ADAM10: variants seen among roughly 807,000 people sequenced by gnomAD.
ADAM10 encodes ADAM metallopeptidase domain 10, also known as disintegrin and metalloproteinase domain-containing protein 10.
ADAM10 carries 17 observed loss-of-function variants against 90.1 expected under a neutral mutation model. That is an observed-to-expected ratio of 0.19 (90% CI 0.13 to 0.28). The LOEUF is 0.28. ADAM10 is among the 10% of genes least tolerant of loss of function. The pLI is 1.00. For missense variants in ADAM10, 610 were observed against 914.3 expected, an observed-to-expected ratio of 0.67 and a Z score of 4.29; for synonymous variants, 310 against 298.6, an observed-to-expected ratio of 1.04 and a Z score of -0.40.
chr15:58,737,530 G>A (rs1174120692), intron 1 of ADAM10, among the ~76,000 whole-genome samples: 6 of 152,096 alleles, frequency 3.9e-5, no homozygotes, highest in Non-Finnish European at 7.4e-5. Flanking sequence ...CTCTGGATAA[G>A]TAACCCTCCC....
chr15:58,652,581 G>C lies in ADAM10; in HGVS notation c.586-6377C>G, dbSNP rs139045658. On this transcript the variant is annotated intron_variant, in intron 5 of 15. Transcript: ENST00000260408. ...AATTTGTTTCTGAGGTCTCTATTCT[G>C]TTCCATGGGTCTACGTGTCTGTTTT... is the stretch of plus-strand genomic sequence containing the variant. Among the ~76,000 whole-genome samples, 137 of 152,226 alleles carry C rather than the reference G, an allele frequency of 9.0e-4. 1 individual carries two copies. The East Asian group carries it at 0.021, about 24-fold the overall frequency.
intron 8 of ADAM10, among the ~76,000 whole-genome samples, chr15:58,634,421 CTA>C (rs1303659523): frequency 6.6e-6 from 1 of 152,016 alleles, no homozygotes; most frequent in Non-Finnish European, 1.5e-5. Context: ...CTTTAGGACA[CTA>C]TCAAATTTTA....
In ADAM10 at chr15:58,593,065, A is replaced by C. The variant is rs987837310; in HGVS notation, c.*4482T>G. On this transcript the variant is annotated 3_prime_UTR_variant, in exon 16 of 16. Transcript: ENST00000260408. ...GATATACATTATCAATGTACCATTA[A>C]ATGAGAAAGGTGGGTTACAAAAGTG... The C allele has an allele frequency of 6.7e-6, 1 of 150,312 alleles. No homozygotes were observed. The highest frequency in any genetic ancestry group is 6.6e-5 in the Admixed American group (1 of 15,110). 9.3% of individuals were successfully genotyped at this position (150,312 alleles called of 1,614,324 possible).
Position 58,645,791 on chromosome 15 carries a change from A to C in ADAM10, c.735+264T>G, listed in dbSNP as rs560753724. On this transcript the variant is annotated intron_variant, in intron 6 of 15. Coordinates refer to ENST00000260408, the MANE Select transcript of ADAM10 (RefSeq NM_001110.4). ...TTCCCTCCTTTAAGACCACAAATGA[A>C]AATTCAACTCTCTTTCCAAAGCTAA... 2.0e-5 allele frequency among the ~76,000 whole-genome samples: 3 copies of C among 152,300 alleles called. No homozygotes were observed. In the South Asian group the frequency reaches 6.2e-4, roughly 32 times the overall value.
chr15:58,674,961 G>A (rs896377512), intron 4 of ADAM10, among the ~76,000 whole-genome samples: 4 of 152,184 alleles, frequency 2.6e-5, no homozygotes, highest in Admixed American at 6.5e-5. Flanking sequence ...AGGCCGAGGC[G>A]GGCGGATCAC....
intron 9 of ADAM10, 63 bp from the exon 10 acceptor site, chr15:58,627,946 T>C: frequency 6.7e-7 from 1 of 1,482,590 alleles, no homozygotes; most frequent in Non-Finnish European, 9.3e-7. Context: ...GGTCAACTGA[T>C]TAAACGTAAT....
At chr15:58,718,948 G>C (rs572384153) in intron 1 of ADAM10, among the ~76,000 whole-genome samples, 5 of 152,280 alleles carry the variant, frequency 3.3e-5, no homozygotes, top group Admixed American at 6.5e-5. Flanking sequence ...ATCTCTCAAG[G>C]CAGAAAGCTG....
At chr15:58,684,902 G>T (rs1319326562) in intron 2 of ADAM10, among the ~76,000 whole-genome samples, 3 of 152,076 alleles carry the variant, frequency 2.0e-5, no homozygotes, top group Non-Finnish European at 4.4e-5. Context: ...ACTGAATTAC[G>T]CTGAATTGTT....
At chr15:58,677,296 ACCACAAACATATATT>A (rs1367907016) in intron 4 of ADAM10, among the ~76,000 whole-genome samples, 1 of 152,204 alleles carries the variant, frequency 6.6e-6, no homozygotes, top group African/African-American at 2.4e-5. Context: ...AGTTCTCCTT[ACCACAAACATATATT>A]TACTTAAACA....
intron 2 of ADAM10, among the ~76,000 whole-genome samples, chr15:58,695,542 T>C (rs1897952405): frequency 6.6e-6 from 1 of 152,170 alleles, no homozygotes; most frequent in Non-Finnish European, 1.5e-5. Flanking sequence ...AAATTTATTA[T>C]TCAGCAAAAT....
chr15:58,590,470 A>T lies in ADAM10; in HGVS notation c.*7077T>A, dbSNP rs556433830. 1.3e-5 allele frequency: 2 copies of T among 152,248 alleles called. No individual in the cohort carries two copies. The highest frequency in any genetic ancestry group is 1.5e-5 in the Non-Finnish European group (1 of 68,050). 9.4% of individuals were successfully genotyped at this position (152,248 alleles called of 1,614,324 possible). A position where few individuals can be genotyped will look rare whatever the true frequency, so the allele number is the denominator to read the frequency against. On this transcript the variant is annotated 3_prime_UTR_variant, in exon 16 of 16. Transcript: ENST00000260408. ...TGTGAGTAAGGTAACTGGTCAATGC[A>T]TATCAGCAAATGCATACCATAAAAG...
intron 5 of ADAM10, among the ~76,000 whole-genome samples, chr15:58,648,845 C>CT (rs375126336): frequency 2.6e-4 from 39 of 150,408 alleles, no homozygotes; most frequent in African/African-American, 5.1e-4. Flanking sequence ...TTTAGTAATG[C>CT]TTTTTTTTTG....
chr15:58,622,996 C>T (rs1895832454), intron 10 of ADAM10, among the ~76,000 whole-genome samples: 1 of 152,148 alleles, frequency 6.6e-6, no homozygotes, highest in Non-Finnish European at 1.5e-5. Context: ...CTTTCTCCTA[C>T]ACCAAATCGA....
intron 2 of ADAM10, among the ~76,000 whole-genome samples, chr15:58,688,557 G>A (rs1230920706): frequency 6.6e-6 from 1 of 151,554 alleles, no homozygotes; most frequent in African/African-American, 2.4e-5. Context: ...AACGGAATTA[G>A]CAGACAAGGA....
intron 5 of ADAM10, among the ~76,000 whole-genome samples, chr15:58,649,691 T>C (rs1896638164): frequency 6.6e-6 from 1 of 152,208 alleles, no homozygotes; most frequent in African/African-American, 2.4e-5. Context: ...GTGATTAAAC[T>C]TTTTCTCACC....
Position 58,749,522 on chromosome 15 carries a change from T to C in ADAM10, c.13A>G (p.Arg5Gly), listed in dbSNP as rs1595678691. The C allele has an allele frequency of 1.3e-6, 2 of 1,553,578 alleles. No homozygotes were observed. Among genetic ancestry groups the C allele is most frequent in the East Asian group, 2.4e-5 (1 of 40,844 alleles). The stretch of plus-strand genomic sequence containing the variant: ...CAGGAGAGGAGCAGAATTAACACTC[T>C]CAGCAACACCATCTTCCGCTGCCGC... MVLL[R>G]VLILLLSWAA... The change falls in exon 1 of 16, where the codon AGA (arginine) becomes GGA (glycine). Residue 5 changes from arginine to glycine, a missense_variant. By Grantham distance (125) the Arg-to-Gly change is moderately radical (BLOSUM62 -2). Coordinates refer to ENST00000260408, the MANE Select transcript of ADAM10 (RefSeq NM_001110.4).
chr15:58,630,062 C>A (rs1404440205), intron 9 of ADAM10, among the ~76,000 whole-genome samples: 1 of 152,132 alleles, frequency 6.6e-6, no homozygotes, highest in Non-Finnish European at 1.5e-5. Flanking sequence ...GTGTGAGTCA[C>A]CACAGCTACC....
rs1047348681 is a variant in ADAM10 at position 58,658,683 on chromosome 15, T to C, written c.585+6414A>G. Among the ~76,000 whole-genome samples the C allele has an allele frequency of 9.2e-5, 14 of 152,192 alleles. 1 individual carries two copies. On this transcript the variant is annotated intron_variant, in intron 5 of 15. Coordinates refer to ENST00000260408, the MANE Select transcript of ADAM10 (RefSeq NM_001110.4). The stretch of plus-strand genomic sequence containing the variant: ...AATTTTTCTTGGCAATGTTTTCTAG[T>C]TCTTCATGTACACATCTTGCACATA...
intron 2 of ADAM10, among the ~76,000 whole-genome samples, chr15:58,704,311 G>T (rs1898219074): frequency 6.6e-6 from 1 of 152,188 alleles, no homozygotes; most frequent in Admixed American, 6.5e-5. Flanking sequence ...ACTGGAGGGA[G>T]AGAAAAATGG....
Sources: allele counts gnomAD v4.1 joint callset (sites outside exome capture counted in the v4.1 genomes callset), GRCh38; gene constraint gnomAD v4.1.1; transcripts MANE v1.5; gene names NCBI Gene and HGNC (gene_info 2026-07-23, HGNC 2026-07-21).